The following VPS13B variants were observed in gnomAD, a reference collection of about 807,000 sequenced individuals.
VPS13B encodes vacuolar protein sorting 13 homolog B.
Under a neutral mutation model 426.4 loss-of-function variants are expected in VPS13B, and 285 were observed. The observed-to-expected ratio is 0.67, with a 90% CI of 0.61 to 0.74. The LOEUF (loss-of-function observed/expected upper bound fraction) is 0.74, where lower values mean the gene tolerates loss of function less well. VPS13B is among the 30% of genes least tolerant of loss of function. The pLI is 0.00. For missense variants in VPS13B, 4,537 were observed against 4,782.6 expected (o/e 0.95, Z 1.51); for synonymous variants, 1,676 against 1,676.4 (o/e 1.00, Z 0.01).
chr8:99,511,556 T>A (rs775800470), intron 29 of VPS13B, 44 bp downstream of exon 29: 2 of 1,584,638 alleles, frequency 1.3e-6, no homozygotes, highest in African/African-American at 1.4e-5. Context: ...AATAATTTTC[T>A]TCTAGAGACC....
At chr8:99,671,742 CT>C (rs1448332096) in intron 35 of VPS13B, among the ~76,000 whole-genome samples, 1 of 152,110 alleles carries the variant, frequency 6.6e-6, no homozygotes, top group East Asian at 1.9e-4. Context: ...ACTGCATCCT[CT>C]AACTCCTAGT....
intron 43 of VPS13B, among the ~76,000 whole-genome samples, chr8:99,803,201 A>G (rs1054782141): frequency 3.3e-5 from 5 of 152,134 alleles, no homozygotes; most frequent in African/African-American, 1.2e-4. Flanking sequence ...TTATATAAGG[A>G]TTACCTTTCA....
chr8:99,181,245 C>G (rs1213573039), intron 16 of VPS13B, among the ~76,000 whole-genome samples: 1 of 152,088 alleles, frequency 6.6e-6, no homozygotes, highest in Non-Finnish European at 1.5e-5. Context: ...TAGAAATGTT[C>G]TCATGATAAA....
chr8:99,372,609 G>A (rs1039492481), intron 19 of VPS13B, among the ~76,000 whole-genome samples: 2 of 152,192 alleles, frequency 1.3e-5, no homozygotes, highest in Admixed American at 6.5e-5. Flanking sequence ...CAAAACCACA[G>A]TGAGATACCA....
intron 17 of VPS13B, among the ~76,000 whole-genome samples, chr8:99,264,829 A>G (rs560658557): frequency 2.0e-5 from 3 of 151,580 alleles, no homozygotes; most frequent in Admixed American, 2.0e-4. Flanking sequence ...TATTTTCCCC[A>G]TTTTCTTTTA....
intron 23 of VPS13B, among the ~76,000 whole-genome samples, chr8:99,451,755 A>G (rs998412798): frequency 6.6e-6 from 1 of 152,090 alleles, no homozygotes; most frequent in Admixed American, 6.6e-5. Flanking sequence ...ACTTCCTTTA[A>G]TTCACTTATA....
intron 35 of VPS13B, among the ~76,000 whole-genome samples, chr8:99,672,811 T>C (rs1830772875): frequency 6.6e-6 from 1 of 152,010 alleles, no homozygotes; most frequent in Admixed American, 6.6e-5. Context: ...TGTTGTGGTA[T>C]GTTCCTTCTA....
rs369283362 is a variant in VPS13B at position 99,075,436 on chromosome 8, G to T, written c.292-20876G>T. 4.6e-5 allele frequency among the ~76,000 whole-genome samples: 7 copies of T among 152,254 alleles called. No individual in the cohort carries two copies. The East Asian group carries it at 1.4e-3, about 29-fold the overall frequency. On this transcript the variant is annotated intron_variant, in intron 3 of 61. Transcript: ENST00000357162. ...TCAGATCTTGCAAGAACTCACTATT[G>T]TAAGGATAATTCCAAGGGTACAGTT...
intron 30 of VPS13B, among the ~76,000 whole-genome samples, chr8:99,523,526 G>GC (rs1165474638): frequency 3.3e-5 from 5 of 152,176 alleles, no homozygotes; most frequent in Non-Finnish European, 7.3e-5. Flanking sequence ...AGACAGCTCA[G>GC]CACAGGCTGT....
chr8:99,381,100 A>G (rs1185011765), intron 19 of VPS13B, among the ~76,000 whole-genome samples: 1 of 151,276 alleles, frequency 6.6e-6, no homozygotes, highest in African/African-American at 2.4e-5. Flanking sequence ...TTTCTCCTCT[A>G]TGTGTCCATG....
chr8:99,850,292 T>TA (rs565433920), intron 55 of VPS13B, among the ~76,000 whole-genome samples: 4 of 120,832 alleles, frequency 3.3e-5, no homozygotes, highest in African/African-American at 1.5e-4. Flanking sequence ...TATACATACA[T>TA]AAGTACGCAT....
At chr8:99,319,118 A>G (rs1311048470) in intron 19 of VPS13B, among the ~76,000 whole-genome samples, 21 of 152,194 alleles carry the variant, frequency 1.4e-4, no homozygotes. Context: ...TAATAGAAGC[A>G]CACATTTTTA....
At chr8:99,121,691 C>A in intron 8 of VPS13B, 1 of 1,027,284 alleles carries the variant, frequency 9.7e-7, no homozygotes, top group Non-Finnish European at 1.3e-6. Flanking sequence ...AGTTTTTTGC[C>A]CTATTGAATC....
chr8:99,666,246 C>T (rs368442077), intron 35 of VPS13B, among the ~76,000 whole-genome samples: 1 of 152,128 alleles, frequency 6.6e-6, no homozygotes, highest in Admixed American at 6.5e-5. Flanking sequence ...GGAGCTGGTA[C>T]CATTCCTTCT....
chr8:99,574,537 T>C (rs1179102193), intron 31 of VPS13B, among the ~76,000 whole-genome samples: 1 of 152,222 alleles, frequency 6.6e-6, no homozygotes, highest in Non-Finnish European at 1.5e-5. Context: ...TCAAAGGCCT[T>C]TTCTGCATCT....
chr8:99,161,378 GTCTC>G (rs1563575546), intron 15 of VPS13B, among the ~76,000 whole-genome samples: 2 of 152,104 alleles, frequency 1.3e-5, no homozygotes, highest in Non-Finnish European at 2.9e-5. Flanking sequence ...AATGAAGTGA[GTCTC>G]TATACTCAAG....
chr8:99,391,604 A>T lies in VPS13B; in HGVS notation c.2982A>T (p.Lys994Asn). 6.2e-7 allele frequency: 1 copy of T among 1,614,182 alleles called. No individual in the cohort carries two copies. The change falls in exon 21 of 62, where the codon AAA (lysine) becomes AAT (asparagine). Residue 994 changes from lysine (K) to asparagine (N), a missense_variant. By Grantham distance (94) the Lys-to-Asn change is moderately conservative. Around this residue, in one of 2 missense-constraint regions of VPS13B, gnomAD observed 4,311 missense variants for 4,474.3 expected, o/e 0.96. Coordinates refer to ENST00000357162, the MANE Select transcript of VPS13B (RefSeq NM_152564.5). ...VPLVMPVCRRKEDEVSIGSAP... is the reference protein window; with the variant it reads ...VPLVMPVCRRNEDEVSIGSAP... ...TTGTTATGCCAGTTTGTAGAAGGAA[A>T]GAGGATGAGGTGTCTATTGGAAGTG...
At chr8:99,801,771 G>C (rs1458073029) in intron 43 of VPS13B, among the ~76,000 whole-genome samples, 1 of 152,104 alleles carries the variant, frequency 6.6e-6, no homozygotes, top group African/African-American at 2.4e-5. Flanking sequence ...CAAGTGTACT[G>C]TCTAGTTCTT....
chr8:99,026,920 A>G (rs1842170276), intron 2 of VPS13B, among the ~76,000 whole-genome samples: 1 of 151,844 alleles, frequency 6.6e-6, no homozygotes, highest in Non-Finnish European at 1.5e-5. Flanking sequence ...TCTGTCACCC[A>G]GGCTGGAGTG....
Sources: gnomAD v4.1 joint callset for allele counts (sites outside exome capture counted in the v4.1 genomes callset) on GRCh38, gnomAD v4.1.1 for gene constraint, gnomAD v4.1.1 regional missense constraint, MANE v1.5 for transcripts, NCBI Gene and HGNC (gene_info 2026-07-23, HGNC 2026-07-21) for gene names.